The following EYS variants were observed in gnomAD, a reference collection of about 807,000 sequenced individuals.
EYS encodes the protein EGF-like photoreceptor maintenance factor, also known as protein eyes shut homolog.
Under a neutral mutation model 282.1 loss-of-function variants are expected in EYS, and 250 were observed. The ratio of observed to expected loss-of-function variants is 0.89; its 90% confidence interval spans 0.80 to 0.98. EYS has a LOEUF of 0.98. Ranked by LOEUF, EYS falls within the 50% of genes least tolerant of loss-of-function variation. The pLI, the probability that EYS is intolerant of heterozygous loss-of-function variation, is 0.00. For missense variants in EYS, 4,016 were observed against 3,709.0 expected, an observed-to-expected ratio of 1.08 and a Z score of -2.15; for synonymous variants, 1,355 against 1,282.9, an observed-to-expected ratio of 1.06 and a Z score of -1.20.
At chr6:64,244,528 G>C (rs1766945065) in intron 30 of EYS, among the ~76,000 whole-genome samples, 1 of 152,080 alleles carries the variant, frequency 6.6e-6, no homozygotes, top group Admixed American at 6.5e-5. Flanking sequence ...TTTACAGGGG[G>C]CTTTTCTATT....
At chr6:63,744,362 AT>A (rs1195541309) in intron 41 of EYS, 4 of 152,132 alleles carry the variant, frequency 2.6e-5, no homozygotes, top group Non-Finnish European at 5.9e-5. Context: ...GGCACATTAA[AT>A]GTACTACTAT....
chr6:63,864,100 G>A (rs1430767771), intron 36 of EYS, 86 bp downstream of exon 36: 9 of 1,244,766 alleles, frequency 7.2e-6, no homozygotes, highest in Non-Finnish European at 9.7e-6. Flanking sequence ...GATCAGTCAA[G>A]TGCTATCCTT....
At chr6:65,411,282 A>G (rs967451504) in intron 5 of EYS, among the ~76,000 whole-genome samples, 9 of 152,072 alleles carry the variant, frequency 5.9e-5, no homozygotes, top group African/African-American at 9.6e-5. Context: ...AATTCTCCCA[A>G]TGTATAAATA....
At chr6:64,006,318 T>G (rs918524282) in intron 33 of EYS, among the ~76,000 whole-genome samples, 4 of 152,134 alleles carry the variant, frequency 2.6e-5, no homozygotes, top group Non-Finnish European at 4.4e-5. Context: ...TGTGGATTTT[T>G]TTTATCCTGA....
At chr6:64,202,319 T>G (rs1343931833) in intron 31 of EYS, among the ~76,000 whole-genome samples, 2 of 152,174 alleles carry the variant, frequency 1.3e-5, no homozygotes, top group African/African-American at 4.8e-5. Context: ...TCTAAAATCA[T>G]GCTGTAGGAA....
intron 12 of EYS, among the ~76,000 whole-genome samples, chr6:65,178,485 G>A (rs1765286526): frequency 6.6e-6 from 1 of 151,924 alleles, no homozygotes; most frequent in African/African-American, 2.4e-5. Context: ...TAATGGTAAA[G>A]GGATCAATTC....
At chr6:64,747,275 TG>T (rs1246199842) in intron 22 of EYS, among the ~76,000 whole-genome samples, 8 of 152,212 alleles carry the variant, frequency 5.3e-5, no homozygotes, top group Non-Finnish European at 1.2e-4. Context: ...ATTAGTCCAA[TG>T]CTTATTTGAA....
intron 2 of EYS, among the ~76,000 whole-genome samples, chr6:65,637,321 T>C (rs1443073234): frequency 1.3e-5 from 2 of 152,230 alleles, no homozygotes; most frequent in Admixed American, 1.3e-4. Context: ...AACTCAAATT[T>C]ATTATATTTA....
At chr6:64,451,277 A>T (rs1206180192) in intron 26 of EYS, among the ~76,000 whole-genome samples, 1 of 152,112 alleles carries the variant, frequency 6.6e-6, no homozygotes, top group Non-Finnish European at 1.5e-5. Context: ...GATAAATTCC[A>T]TGACACACAC....
At chr6:65,257,871 G>A (rs1767512231) in intron 12 of EYS, among the ~76,000 whole-genome samples, 1 of 151,904 alleles carries the variant, frequency 6.6e-6, no homozygotes, top group African/African-American at 2.4e-5. Flanking sequence ...AAGGAGAAAA[G>A]TAAAGATGGT....
intron 30 of EYS, among the ~76,000 whole-genome samples, chr6:64,235,099 A>C (rs1766550458): frequency 6.7e-6 from 1 of 149,790 alleles, no homozygotes; most frequent in Non-Finnish European, 1.5e-5. Context: ...TTTTTTAATT[A>C]TTATCATACT....
At chr6:64,747,772 A>G (rs1423745860) in intron 22 of EYS, among the ~76,000 whole-genome samples, 1 of 152,214 alleles carries the variant, frequency 6.6e-6, no homozygotes, top group Non-Finnish European at 1.5e-5. Flanking sequence ...AGGGATTTAC[A>G]TTGAAAATTC....
chr6:64,471,013 C>T (rs1290382296), intron 26 of EYS, among the ~76,000 whole-genome samples: 1 of 152,080 alleles, frequency 6.6e-6, no homozygotes, highest in Non-Finnish European at 1.5e-5. Context: ...ACCCAAAAAG[C>T]CTTCTTCCAA....
At chr6:64,485,441 C>T (rs1582810609) in intron 26 of EYS, among the ~76,000 whole-genome samples, 1 of 151,638 alleles carries the variant, frequency 6.6e-6, no homozygotes, top group East Asian at 1.9e-4. Context: ...TGACAGTGGA[C>T]TGACTATGTA....
chr6:63,790,172 A>G (rs926447441), intron 37 of EYS, among the ~76,000 whole-genome samples: 1 of 152,236 alleles, frequency 6.6e-6, no homozygotes, highest in African/African-American at 2.4e-5. Context: ...AGTCCTTGAC[A>G]TAGAAAAAAT....
chr6:64,932,620 C>G (rs939939067), intron 15 of EYS, among the ~76,000 whole-genome samples: 8 of 151,796 alleles, frequency 5.3e-5, no homozygotes, highest in Admixed American at 5.3e-4. Flanking sequence ...TATAAACAGC[C>G]CTAATCTCTG....
At chr6:63,767,369 T>A (rs1226173516) in intron 40 of EYS, among the ~76,000 whole-genome samples, 1 of 152,060 alleles carries the variant, frequency 6.6e-6, no homozygotes, top group African/African-American at 2.4e-5. Context: ...AACTCATAAA[T>A]AACTTCAGTA....
intron 37 of EYS, among the ~76,000 whole-genome samples, chr6:63,798,981 ATGTGTG>A (rs1170085864): frequency 2.7e-4 from 30 of 110,396 alleles, no homozygotes; most frequent in African/African-American, 9.4e-4. Context: ...ATATATGTAT[ATGTGTG>A]TATATATATA....
intron 18 of EYS, among the ~76,000 whole-genome samples, chr6:64,888,219 A>G (rs887102883): frequency 6.6e-6 from 1 of 152,028 alleles, no homozygotes; most frequent in Non-Finnish European, 1.5e-5. Context: ...ATTGCACAGT[A>G]CGGTGACTGT....
Sources: allele counts gnomAD v4.1 joint callset (sites outside exome capture counted in the v4.1 genomes callset), GRCh38; gene constraint gnomAD v4.1.1; transcripts MANE v1.5; gene names NCBI Gene and HGNC (gene_info 2026-07-23, HGNC 2026-07-21).